SLC13A3: variants seen among roughly 807,000 people sequenced by gnomAD.
The protein encoded by SLC13A3 is solute carrier family 13 member 3.
A neutral mutation model predicts 59.0 loss-of-function variants in SLC13A3; 40 were observed. The ratio of observed to expected loss-of-function variants is 0.68; its 90% CI spans 0.53 to 0.88. The LOEUF is 0.88. Ranked by LOEUF, SLC13A3 falls within the 40% of genes least tolerant of loss-of-function variation. SLC13A3 has a pLI of 0.00. For missense variants in SLC13A3, 699 were observed against 783.2 expected (o/e 0.89, Z 1.28); for synonymous variants, 317 against 330.3 (o/e 0.96, Z 0.44).
intron 6 of SLC13A3, among the ~76,000 whole-genome samples, chr20:46,590,232 C>T (rs2062239651): frequency 6.6e-6 from 1 of 151,784 alleles, no homozygotes; most frequent in African/African-American, 2.4e-5. Flanking sequence ...AATAATAATA[C>T]TAGAAGAAAA....
At chr20:46,569,154 T>C (rs905634058) in intron 10 of SLC13A3, among the ~76,000 whole-genome samples, 3 of 152,110 alleles carry the variant, frequency 2.0e-5, no homozygotes, top group Non-Finnish European at 4.4e-5. Flanking sequence ...TGGCTAAATT[T>C]TTTTAAGTGT....
At chr20:46,669,734 G>T (rs1319858304) in intron 1 of SLC13A3, among the ~76,000 whole-genome samples, 1 of 152,094 alleles carries the variant, frequency 6.6e-6, no homozygotes, top group Non-Finnish European at 1.5e-5. Context: ...TTTTTGAGGG[G>T]CAATGCCTAC....
At chr20:46,587,609 C>T (rs989040818) in intron 8 of SLC13A3, among the ~76,000 whole-genome samples, 2 of 152,162 alleles carry the variant, frequency 1.3e-5, no homozygotes, top group South Asian at 2.1e-4. Context: ...AAGTCAATGC[C>T]CCTGCTCTAT....
chr20:46,640,767 G>C (rs182291097), intron 1 of SLC13A3, among the ~76,000 whole-genome samples: 4 of 152,140 alleles, frequency 2.6e-5, no homozygotes, highest in Non-Finnish European at 5.9e-5. Context: ...TTCCAGGCCC[G>C]GGCCAGGTCT....
intron 1 of SLC13A3, among the ~76,000 whole-genome samples, chr20:46,649,308 G>A (rs1411773782): frequency 1.3e-5 from 2 of 152,176 alleles, no homozygotes; most frequent in Admixed American, 1.3e-4. Context: ...GATCCTTTGT[G>A]AAGCTCAAGC....
intron 2 of SLC13A3, among the ~76,000 whole-genome samples, chr20:46,612,123 G>GTTTTTTT (rs1568936280): frequency 4.4e-5 from 3 of 68,896 alleles, no homozygotes; most frequent in Non-Finnish European, 5.4e-5. Flanking sequence ...CTCTCTCTTT[G>GTTTTTTT]CTTTTTTTTT....
rs915765663 is a variant in SLC13A3, at chr20:46,675,565, CTTTT to C, written c.-31+8827_-31+8830del. On this transcript the variant is annotated intron_variant, in intron 1 of 6. Coordinates refer to the SLC13A3 transcript ENST00000372121. ...CCGGCCCCTTTTTTTTTCTTTCTTTCTTTTTTTTTTTTTAGTTTGTTTAATTTTG... is the reference window on the plus strand; with the variant it reads ...CCGGCCCCTTTTTTTTTCTTTCTTTCTTTTTTTTTAGTTTGTTTAATTTTG... 7.2e-5 allele frequency among the ~76,000 whole-genome samples: 10 copies of C among 139,652 alleles called. No individual in the cohort carries two copies. The Admixed American group carries it at 7.2e-4, about 10-fold the overall frequency. 91.6% of individuals were successfully genotyped at this position (139,652 alleles called of 152,430 possible). A position where few individuals can be genotyped will look rare whatever the true frequency, so the allele number is the denominator to read the frequency against.
intron 1 of SLC13A3, among the ~76,000 whole-genome samples, chr20:46,660,369 T>C (rs1306445878): frequency 6.6e-6 from 1 of 152,214 alleles, no homozygotes; most frequent in Non-Finnish European, 1.5e-5. Context: ...GAAGTCTAGA[T>C]TGACAATTTT....
intron 11 of SLC13A3, 38 bp downstream of exon 11, chr20:46,566,191 G>A (rs559479888): frequency 6.4e-7 from 1 of 1,565,088 alleles, no homozygotes; most frequent in East Asian, 2.3e-5. Flanking sequence ...TGTGTGTTGG[G>A]GGAGGGGTGC....
chr20:46,577,427 G>C (rs975715535), intron 9 of SLC13A3, among the ~76,000 whole-genome samples: 4 of 152,208 alleles, frequency 2.6e-5, no homozygotes, highest in African/African-American at 9.7e-5. Context: ...ATGGCAGGTG[G>C]CCCAGCCCTA....
At chr20:46,574,097 G>T (rs1057258668) in intron 10 of SLC13A3, among the ~76,000 whole-genome samples, 1 of 152,130 alleles carries the variant, frequency 6.6e-6, no homozygotes. Context: ...TTTTGCCTCC[G>T]ATTCCTCATC....
upstream of SLC13A3, among the ~76,000 whole-genome samples, chr20:46,655,370 A>C (rs2062978177): frequency 6.7e-6 from 1 of 150,336 alleles, no homozygotes; most frequent in Non-Finnish European, 1.5e-5. Flanking sequence ...ATATATGTAT[A>C]TATAAGCCAA....
At chr20:46,660,897 T>C (rs1181800998) in intron 1 of SLC13A3, among the ~76,000 whole-genome samples, 3 of 152,192 alleles carry the variant, frequency 2.0e-5, no homozygotes, top group Non-Finnish European at 4.4e-5. Context: ...ATTCCTGTCT[T>C]TGTTGTGCCC....
chr20:46,605,320 A>C (rs1429725416), intron 3 of SLC13A3, among the ~76,000 whole-genome samples: 2 of 152,130 alleles, frequency 1.3e-5, no homozygotes, highest in Non-Finnish European at 2.9e-5. Context: ...GCTCTTAGGC[A>C]TTTACACAGG....
chr20:46,600,401 AGAAAGGAGGAAGGAAGGAAG>A (rs2062366839), intron 3 of SLC13A3, among the ~76,000 whole-genome samples: 1 of 148,776 alleles, frequency 6.7e-6, no homozygotes, highest in Non-Finnish European at 1.5e-5. Context: ...AAAGAAAGAA[AGAAAGGAGGAAGGAAGGAAG>A]GAAAGGAAGG....
intron 1 of SLC13A3, among the ~76,000 whole-genome samples, chr20:46,646,472 T>A (rs1487204887): frequency 2.6e-5 from 4 of 152,252 alleles, no homozygotes; most frequent in Non-Finnish European, 5.9e-5. Flanking sequence ...TCCCACTATA[T>A]GCTGAGCACC....
At chr20:46,612,919 C>A (rs2062514157) in intron 2 of SLC13A3, among the ~76,000 whole-genome samples, 1 of 152,168 alleles carries the variant, frequency 6.6e-6, no homozygotes, top group Admixed American at 6.5e-5. Context: ...CCCACCTGAT[C>A]TTCATCATCT....
chr20:46,676,674 C>G (rs1006691057), intron 1 of SLC13A3, among the ~76,000 whole-genome samples: 4 of 151,870 alleles, frequency 2.6e-5, no homozygotes, highest in African/African-American at 9.7e-5. Context: ...CAGCCTTGAA[C>G]TCCTGGGCCC....
At chr20:46,655,255 G>A (rs982258882), upstream of SLC13A3, among the ~76,000 whole-genome samples, 16 of 149,256 alleles carry the variant, frequency 1.1e-4, no homozygotes, top group South Asian at 2.1e-4. Flanking sequence ...ATATACACAC[G>A]TATATACACA....
Sources: allele counts gnomAD v4.1 joint callset (sites outside exome capture counted in the v4.1 genomes callset), GRCh38; gene constraint gnomAD v4.1.1; transcripts MANE v1.5; gene names NCBI Gene and HGNC (gene_info 2026-07-23, HGNC 2026-07-21).